The following F8 variants were observed in gnomAD, a reference collection of about 807,000 sequenced individuals.
F8 encodes coagulation factor VIII.
F8 carries 12 observed loss-of-function variants against 140.6 expected under a neutral mutation model. The ratio of observed to expected loss-of-function variants is 0.09; its 90% confidence interval spans 0.05 to 0.14. F8 has a LOEUF of 0.14. F8 is among the 10% of genes least tolerant of loss of function. The pLI is 1.00. For missense variants in F8, 1,354 were observed against 1,720.7 expected, an observed-to-expected ratio of 0.79 and a Z score of 3.77; for synonymous variants, 585 against 614.6, an observed-to-expected ratio of 0.95 and a Z score of 0.71.
intron 14 of F8, among the ~76,000 whole-genome samples, chrX:154,907,974 TA>T (rs781954980): frequency 1.5e-4 from 17 of 110,640 alleles, no homozygotes; most frequent in Non-Finnish European, 2.1e-4. Flanking sequence ...GTGGAATTTA[TA>T]AAAAAAAACC....
chrX:154,856,550 GA>G (rs2072652511), intron 25 of F8, among the ~76,000 whole-genome samples: 13 of 112,128 alleles, frequency 1.2e-4, no homozygotes, highest in Non-Finnish European at 3.8e-5. Flanking sequence ...CCAAATTCTT[GA>G]ACTGCATAAG....
At chrX:155,001,958 T>G (rs1416041025) in intron 1 of F8, among the ~76,000 whole-genome samples, 1 of 112,196 alleles carries the variant, frequency 8.9e-6, no homozygotes, top group Non-Finnish European at 1.9e-5. Context: ...CAGAATTAAT[T>G]TTATGTTGTA....
At chrX:154,981,133 A>G (rs1194634343) in intron 6 of F8, among the ~76,000 whole-genome samples, 1 of 111,338 alleles carries the variant, frequency 9.0e-6, no homozygotes, top group African/African-American at 3.3e-5. Context: ...CCGTGGGTCC[A>G]TGGTGACTTT....
At position 154,983,234 on chromosome X, in the gene F8, TTTTAAG is replaced by T. The variant is rs1239163396; in HGVS notation, c.787+1447_787+1452del. Among the ~76,000 whole-genome samples the T allele has an allele frequency of 2.7e-5, 3 of 112,730 alleles. No homozygotes were observed. In the East Asian group the frequency reaches 8.3e-4, roughly 31 times the overall value. Reference sequence around the variant, plus strand: ...TCATAGAATCCTATTGTTACCTTATTTTTAAGTTTCTTTTTATTGATGTAAAATATA... The same window carrying T: ...TCATAGAATCCTATTGTTACCTTATTTTTCTTTTTATTGATGTAAAATATA... On this transcript the variant is annotated intron_variant, in intron 6 of 25. Transcript: ENST00000360256.
intron 1 of F8, among the ~76,000 whole-genome samples, chrX:155,000,433 T>A (rs1043664789): frequency 6.2e-5 from 7 of 112,472 alleles, no homozygotes; most frequent in Middle Eastern, 4.6e-3. Flanking sequence ...GCTTTCTCTA[T>A]GCCATAAAGA....
In F8 at chrX:154,961,140, G is replaced by A; in HGVS notation, c.1472C>T (p.Pro491Leu). ...GATTCCGTGAGGGTAGATGTTATATGGTCTGCTTGCTTGATTCTTAAATAT... is the reference window on the plus strand; with the variant it reads ...GATTCCGTGAGGGTAGATGTTATATAGTCTGCTTGCTTGATTCTTAAATAT... ...LIIFKNQASRPYNIYPHGITD... is the reference protein window; with the variant it reads ...LIIFKNQASRLYNIYPHGITD... Residue 491 changes from proline (P) to leucine (L), a missense_variant, in exon 10 of 26, where the codon CCA (proline) becomes CTA (leucine). Physicochemically the swap from Pro to Leu is moderately conservative, Grantham distance 98. Around this residue, in one of 4 missense-constraint regions of F8, gnomAD observed 252 missense variants for 338.5 expected, o/e 0.74. Transcript: ENST00000360256. 8.4e-7 allele frequency: 1 copy of A among 1,197,077 alleles called. No homozygotes were observed. The highest frequency in any genetic ancestry group is 1.1e-6 in the Non-Finnish European group (1 of 882,335).
chrX:155,016,233 A>G (rs1557287009), intron 1 of F8, among the ~76,000 whole-genome samples: 1 of 107,462 alleles, frequency 9.3e-6, no homozygotes, highest in Non-Finnish European at 1.9e-5. Flanking sequence ...TTCCATCTCA[A>G]AAAAAAAAAA....
chrX:154,878,568 A>G (rs1306709709), intron 22 of F8, among the ~76,000 whole-genome samples: 1 of 111,692 alleles, frequency 9.0e-6, no homozygotes, highest in Non-Finnish European at 1.9e-5. Context: ...TTTCCCTAAC[A>G]TTAGAAACGA....
intron 13 of F8, among the ~76,000 whole-genome samples, chrX:154,943,273 T>C (rs1262977490): frequency 1.8e-5 from 2 of 111,658 alleles, no homozygotes; most frequent in Non-Finnish European, 3.8e-5. Flanking sequence ...AAAACCCCAT[T>C]GTCTCAGCCC....
intron 13 of F8, among the ~76,000 whole-genome samples, chrX:154,942,339 C>A (rs2073272377): frequency 9.1e-6 from 1 of 110,449 alleles, no homozygotes; most frequent in African/African-American, 3.3e-5. Context: ...GGGGATATCA[C>A]CACCAATCCC....
chrX:154,913,502 C>T lies in F8; in HGVS notation c.5220-6929G>A, dbSNP rs146784949. Among the ~76,000 whole-genome samples, 400 of 112,066 alleles carry T rather than the reference C, an allele frequency of 3.6e-3. 5 individuals carry two copies. The highest frequency in any genetic ancestry group is 0.012 in the African/African-American group (383 of 30,866). The stretch of plus-strand genomic sequence containing the variant: ...AGTCTCATCTGAGACAAGGAAAATC[C>T]CTTCTGTTTATGAGCCTGTAAAATC... On this transcript the variant is annotated intron_variant, in intron 14 of 25. Coordinates refer to ENST00000360256, the MANE Select transcript of F8 (RefSeq NM_000132.4).
intron 25 of F8, among the ~76,000 whole-genome samples, chrX:154,849,097 CTGAG>C (rs1312164259): frequency 1.8e-5 from 2 of 111,035 alleles, no homozygotes; most frequent in Non-Finnish European, 3.8e-5. Context: ...CCTCACCCTC[CTGAG>C]TAACTGGGAC....
Position 154,999,487 on chromosome X carries a change from G to A in F8, c.257C>T (p.Pro86Leu). Residue 86 changes from proline (P) to leucine (L), a missense_variant, in exon 2 of 26, where the codon CCC becomes CTC. Physicochemically the swap from Pro to Leu is moderately conservative, Grantham distance 98. Coordinates refer to ENST00000360256, the MANE Select transcript of F8 (RefSeq NM_000132.4). Reference sequence around the variant, plus strand: ...AACATTGTTTTCATTACCCATCCAGGGTGGCCTTGGCTTAGCGATGTTGAA... The same window carrying A: ...AACATTGTTTTCATTACCCATCCAGAGTGGCCTTGGCTTAGCGATGTTGAA... ...HLFNIAKPRP[P>L]WMGLLGPTIQ... 2 of 1,207,031 alleles carry A rather than the reference G, an allele frequency of 1.7e-6. No individual in the cohort carries two copies. Among genetic ancestry groups the A allele is most frequent in the Non-Finnish European group, 2.2e-6 (2 of 892,339 alleles).
At chrX:155,001,593 G>GCA (rs1234490788) in intron 1 of F8, among the ~76,000 whole-genome samples, 1 of 111,112 alleles carries the variant, frequency 9.0e-6, no homozygotes, top group Non-Finnish European at 1.9e-5. Flanking sequence ...CCCAGCCCAA[G>GCA]CATGTTTAAA....
intron 15 of F8, among the ~76,000 whole-genome samples, chrX:154,906,185 G>A (rs782607851): frequency 8.1e-5 from 9 of 111,335 alleles, no homozygotes; most frequent in South Asian, 3.7e-4. Flanking sequence ...TTTTAATGAC[G>A]TAAGAAATGT....
At chrX:155,017,160 T>C (rs782140438) in intron 1 of F8, among the ~76,000 whole-genome samples, 1 of 112,862 alleles carries the variant, frequency 8.9e-6, no homozygotes, top group East Asian at 2.8e-4. Flanking sequence ...TGATGCACCA[T>C]TGCTGGTAGA....
intron 25 of F8, among the ~76,000 whole-genome samples, chrX:154,849,123 G>A (rs1287894767): frequency 9.1e-6 from 1 of 110,205 alleles, no homozygotes; most frequent in Non-Finnish European, 1.9e-5. Flanking sequence ...ACAGGTGTCC[G>A]CCACCACACC....
At chrX:154,838,149 A>T (rs1557271094) in intron 25 of F8, among the ~76,000 whole-genome samples, 1 of 112,531 alleles carries the variant, frequency 8.9e-6, no homozygotes, top group Non-Finnish European at 1.9e-5. Context: ...TATCGTTATT[A>T]GATAAACTGG....
chrX:154,875,947 T>G (rs1479196382), intron 22 of F8, among the ~76,000 whole-genome samples: 1 of 110,633 alleles, frequency 9.0e-6, no homozygotes, highest in Non-Finnish European at 1.9e-5. Context: ...AATATGGTAG[T>G]AATGCCAATT....
Sources: allele counts gnomAD v4.1 joint callset (sites outside exome capture counted in the v4.1 genomes callset), GRCh38; gene constraint gnomAD v4.1.1; regional missense constraint gnomAD v4.1.1; transcripts MANE v1.5; gene names NCBI Gene and HGNC (gene_info 2026-07-23, HGNC 2026-07-21).